The following IL7 variants were observed in gnomAD, a reference collection of about 807,000 sequenced individuals.
IL7 encodes interleukin 7.
A neutral mutation model predicts 21.6 loss-of-function variants in IL7; 3 were observed. The ratio of observed to expected loss-of-function variants is 0.14; its 90% CI spans 0.06 to 0.36. IL7 has a LOEUF of 0.36. Ranked by LOEUF, IL7 falls within the 10% of genes least tolerant of loss-of-function variation. The pLI is 1.00. For synonymous variants in IL7, 62 were observed against 68.1 expected (o/e 0.91, Z 0.44); for missense variants, 175 against 200.2 (o/e 0.87, Z 0.76).
At chr8:78,764,409 T>A (rs1812683058) in intron 2 of IL7, among the ~76,000 whole-genome samples, 1 of 152,108 alleles carries the variant, frequency 6.6e-6, no homozygotes, top group Admixed American at 6.5e-5. Context: ...TGTTTGCAGA[T>A]GATATAATTG....
intron 2 of IL7, among the ~76,000 whole-genome samples, chr8:78,771,396 G>A (rs140416520): frequency 4.1e-4 from 62 of 152,134 alleles, no homozygotes; most frequent in African/African-American, 1.3e-3. Flanking sequence ...TGGGTCTTCC[G>A]CTGACATAAG....
intron 2 of IL7, among the ~76,000 whole-genome samples, chr8:78,784,015 C>A (rs1470237677): frequency 1.3e-5 from 2 of 152,084 alleles, no homozygotes; most frequent in East Asian, 1.9e-4. Flanking sequence ...ACTGATAGAG[C>A]CAATATGGTG....
chr8:78,697,586 TG>T lies in IL7; in HGVS notation n.215-11640del. 7 of 995,518 alleles carry T rather than the reference TG, an allele frequency of 7.0e-6. No homozygotes were observed. The South Asian group carries it at 9.2e-5, about 13-fold the overall frequency. The allele number at this position is 995,518 out of a possible 1,614,324, so 61.7% of individuals were successfully genotyped here. ...AGGAAATAAAGATAGTGGTCTATTC[TG>T]GAATATTAAGATAGATTTATAATTA... On this transcript the variant is annotated intron_variant and non_coding_transcript_variant, in intron 3 of 4. Transcript: ENST00000523959.
downstream of IL7, among the ~76,000 whole-genome samples, chr8:78,716,121 G>GT (rs1281805654): frequency 1.4e-5 from 2 of 142,948 alleles, no homozygotes; most frequent in African/African-American, 2.6e-5. Context: ...TTTTGTTTTT[G>GT]TTTTTTTGGT....
At chr8:78,700,388 A>G (rs1451440279) in intron 3 of IL7, among the ~76,000 whole-genome samples, 2 of 151,786 alleles carry the variant, frequency 1.3e-5, no homozygotes, top group Non-Finnish European at 1.5e-5. Context: ...TTGTTAAATT[A>G]TAGATGCTGG....
chr8:78,756,592 A>G (rs1348074140), intron 2 of IL7, among the ~76,000 whole-genome samples: 1 of 151,752 alleles, frequency 6.6e-6, no homozygotes, highest in Non-Finnish European at 1.5e-5. Flanking sequence ...AGGTTTTCCA[A>G]TTTGTTAGTG....
intron 2 of IL7, among the ~76,000 whole-genome samples, chr8:78,766,757 G>C (rs950484769): frequency 5.3e-5 from 8 of 152,206 alleles, no homozygotes; most frequent in Non-Finnish European, 1.0e-4. Flanking sequence ...TTCTGTAACA[G>C]ACATCTTTGT....
At chr8:78,774,743 GAACA>G (rs1471441054) in intron 2 of IL7, among the ~76,000 whole-genome samples, 4 of 151,976 alleles carry the variant, frequency 2.6e-5, no homozygotes, top group Non-Finnish European at 2.9e-5. Flanking sequence ...AGGACATAAA[GAACA>G]AACAAAGAAT....
intron 2 of IL7, among the ~76,000 whole-genome samples, chr8:78,786,086 A>T (rs913959668): frequency 1.3e-5 from 2 of 152,230 alleles, no homozygotes; most frequent in Non-Finnish European, 2.9e-5. Context: ...GATACTGTGA[A>T]ATACAGTTAT....
chr8:78,795,741 G>A (rs1288168015), intron 2 of IL7, among the ~76,000 whole-genome samples: 2 of 152,042 alleles, frequency 1.3e-5, no homozygotes, highest in Non-Finnish European at 2.9e-5. Flanking sequence ...TAATTTAGTA[G>A]CATCATCAAA....
intron 2 of IL7, among the ~76,000 whole-genome samples, chr8:78,787,255 A>G (rs976339927): frequency 3.3e-5 from 5 of 152,138 alleles, no homozygotes. Flanking sequence ...TGTGATTGGC[A>G]TCTGAAATGG....
intron 2 of IL7, among the ~76,000 whole-genome samples, chr8:78,781,991 C>T (rs1353444961): frequency 6.6e-6 from 1 of 152,126 alleles, no homozygotes; most frequent in Non-Finnish European, 1.5e-5. Flanking sequence ...GTGCTTTCCT[C>T]CACTTGATCT....
At chr8:78,761,131 A>C (rs1261506959) in intron 2 of IL7, 2 of 1,596,060 alleles carry the variant, frequency 1.3e-6, no homozygotes, top group African/African-American at 1.3e-5. Context: ...TTTCAAAAGC[A>C]TCATGCCTCC....
chr8:78,680,826 G>A (rs184841940), intron 4 of IL7, among the ~76,000 whole-genome samples: 1 of 152,254 alleles, frequency 6.6e-6, no homozygotes, highest in East Asian at 1.9e-4. Flanking sequence ...CCTTAAAGGT[G>A]AGAGATCTTA....
chr8:78,689,600 T>G (rs769379165), intron 3 of IL7, among the ~76,000 whole-genome samples: 34 of 152,016 alleles, frequency 2.2e-4, no homozygotes, highest in Non-Finnish European at 3.8e-4. Context: ...TTTTTCTATG[T>G]GGATATTCTA....
chr8:78,775,445 T>C (rs1430126864), intron 2 of IL7, among the ~76,000 whole-genome samples: 1 of 152,126 alleles, frequency 6.6e-6, no homozygotes, highest in African/African-American at 2.4e-5. Flanking sequence ...ATCAGTGCAA[T>C]GAAAAGAACA....
At chr8:78,713,810 C>T (rs573723996), downstream of IL7, among the ~76,000 whole-genome samples, 5 of 152,274 alleles carry the variant, frequency 3.3e-5, no homozygotes, top group African/African-American at 1.2e-4. Context: ...AGTAGCCTCA[C>T]AATTTATATA....
chr8:78,798,851 A>G (rs1043173687), intron 1 of IL7, among the ~76,000 whole-genome samples: 13 of 152,072 alleles, frequency 8.5e-5, no homozygotes, highest in African/African-American at 2.9e-4. Context: ...AGAGACCCAG[A>G]TTCTTTTCAA....
At chr8:78,686,601 T>G in intron 3 of IL7, 2 of 1,509,870 alleles carry the variant, frequency 1.3e-6, no homozygotes, top group Non-Finnish European at 1.8e-6. Context: ...CACCTTCTTA[T>G]GATCCTGGTA....
Sources: allele counts gnomAD v4.1 joint callset (sites outside exome capture counted in the v4.1 genomes callset), GRCh38; gene constraint gnomAD v4.1.1; transcripts MANE v1.5; gene names NCBI Gene and HGNC (gene_info 2026-07-23, HGNC 2026-07-21).